Variants in ENOX1 observed in about 807,000 individuals in gnomAD.
The protein encoded by ENOX1 is candidate growth-related and time keeping constitutive hydroquinone (NADH) oxidase.
ENOX1 carries 42 observed loss-of-function variants against 82.5 expected under a neutral mutation model. The ratio of observed to expected loss-of-function variants is 0.51; its 90% CI spans 0.40 to 0.66. The LOEUF (loss-of-function observed/expected upper bound fraction) is 0.66, where lower values mean the gene tolerates loss of function less well. Ranked by LOEUF, ENOX1 falls within the 30% of genes least tolerant of loss-of-function variation. ENOX1 has a pLI of 0.00. For synonymous variants in ENOX1, 271 were observed against 282.2 expected (o/e 0.96, Z 0.40); for missense variants, 608 against 811.6 (o/e 0.75, Z 3.05).
chr13:43,542,587 C>T (rs1320886837), intron 2 of ENOX1, among the ~76,000 whole-genome samples: 4 of 152,100 alleles, frequency 2.6e-5, no homozygotes, highest in African/African-American at 4.8e-5. Context: ...AGGCACCTGC[C>T]ACCACACCTG....
At chr13:43,289,013 G>A (rs562764746) in intron 12 of ENOX1, among the ~76,000 whole-genome samples, 1 of 152,178 alleles carries the variant, frequency 6.6e-6, no homozygotes, top group South Asian at 2.1e-4. Context: ...AGCTAACCAA[G>A]GAGGCGAAAG....
chr13:43,516,294 C>A (rs939036667), intron 2 of ENOX1, among the ~76,000 whole-genome samples: 22 of 152,168 alleles, frequency 1.4e-4, no homozygotes, highest in Non-Finnish European at 2.5e-4. Context: ...GATAAAACAT[C>A]TTTGAAGTCA....
chr13:43,497,674 A>G (rs974856435), intron 2 of ENOX1, among the ~76,000 whole-genome samples: 6 of 152,142 alleles, frequency 3.9e-5, no homozygotes, highest in African/African-American at 1.4e-4. Context: ...GTCTATGATC[A>G]TAAGGCATAT....
intron 1 of ENOX1, among the ~76,000 whole-genome samples, chr13:43,769,329 G>A (rs1951459130): frequency 6.6e-6 from 1 of 152,132 alleles, no homozygotes; most frequent in African/African-American, 2.4e-5. Context: ...CCACAAGTGT[G>A]CCACCCTAAT....
intron 1 of ENOX1, 85 bp from the exon 2 acceptor site, chr13:43,667,629 CA>C: frequency 2.7e-6 from 1 of 365,332 alleles, no homozygotes; most frequent in Non-Finnish European, 3.8e-6. Flanking sequence ...TAAGCAGATG[CA>C]AGGTTTCGCC....
intron 1 of ENOX1, among the ~76,000 whole-genome samples, chr13:43,684,922 C>A (rs1224365652): frequency 2.2e-4 from 33 of 152,074 alleles, no homozygotes; most frequent in Admixed American, 2.2e-3. Flanking sequence ...CTAAATAATA[C>A]CACTATAAAT....
intron 9 of ENOX1, among the ~76,000 whole-genome samples, chr13:43,334,741 T>A (rs890684801): frequency 6.6e-6 from 1 of 152,184 alleles, no homozygotes; most frequent in Non-Finnish European, 1.5e-5. Context: ...GTCCCTACTT[T>A]TTTTGTGTCT....
intron 2 of ENOX1, among the ~76,000 whole-genome samples, chr13:43,639,425 G>A (rs1226204343): frequency 6.6e-6 from 1 of 152,174 alleles, no homozygotes; most frequent in Non-Finnish European, 1.5e-5. Context: ...TAAGAACCTA[G>A]TATTTTCTTA....
chr13:43,334,899 T>C (rs927012406), intron 9 of ENOX1, among the ~76,000 whole-genome samples: 1 of 152,172 alleles, frequency 6.6e-6, no homozygotes, highest in East Asian at 1.9e-4. Flanking sequence ...GGGAGTGTTT[T>C]TATGAATACA....
At chr13:43,640,593 C>T (rs1019432075) in intron 2 of ENOX1, among the ~76,000 whole-genome samples, 1 of 152,068 alleles carries the variant, frequency 6.6e-6, no homozygotes, top group African/African-American at 2.4e-5. Context: ...GTAATATGCA[C>T]CAATCAACTC....
intron 10 of ENOX1, among the ~76,000 whole-genome samples, chr13:43,323,800 G>A (rs1248847340): frequency 6.6e-6 from 1 of 152,172 alleles, no homozygotes; most frequent in African/African-American, 2.4e-5. Context: ...CCCATTTGAT[G>A]GACATGCATA....
Position 43,413,002 on chromosome 13 carries a change from C to A in ENOX1, c.-74-14G>T. ...GGTCATCAGATTCTGCAAAACGGGA[C>A]AGAAGTGTGGTGAGAAACCTTAATA... On this transcript the variant is annotated splice_polypyrimidine_tract_variant and intron_variant, in intron 3 of 16. Transcript: ENST00000690772. 2 of 1,551,464 alleles carry A rather than the reference C, an allele frequency of 1.3e-6. No individual in the cohort carries two copies. Among genetic ancestry groups the A allele is most frequent in the Admixed American group, 1.9e-5 (1 of 51,626 alleles).
intron 2 of ENOX1, among the ~76,000 whole-genome samples, chr13:43,517,700 T>C (rs191401361): frequency 1.3e-5 from 2 of 152,272 alleles, no homozygotes; most frequent in Non-Finnish European, 2.9e-5. Flanking sequence ...TGAATGTGTG[T>C]GTCTCCCCAA....
chr13:43,418,568 T>G (rs2054779510), intron 3 of ENOX1, among the ~76,000 whole-genome samples: 2 of 152,152 alleles, frequency 1.3e-5, no homozygotes, highest in African/African-American at 4.8e-5. Flanking sequence ...CGATGTAACT[T>G]AAAAGATGTA....
rs2041290346 is a variant in ENOX1, at chr13:43,213,538, C to CTTTTTTTTTTT, written c.*451_*452insAAAAAAAAAAA. 14 of 97,854 alleles carry CTTTTTTTTTTT rather than the reference C, an allele frequency of 1.4e-4. No homozygotes were observed. The highest frequency in any genetic ancestry group is 1.3e-3 in the East Asian group (4 of 2,992). 6.1% of individuals were successfully genotyped at this position (97,854 alleles called of 1,614,324 possible). On this transcript the variant is annotated 3_prime_UTR_variant, in exon 17 of 17. Transcript: ENST00000690772. ...TTTTCTTTTTTCTTTTTTTCTTTTTCTTTTTCTTTTTTTTTTTTTTTTTTT... is the reference window on the plus strand; with the variant it reads ...TTTTCTTTTTTCTTTTTTTCTTTTTCTTTTTTTTTTTTTTTTCTTTTTTTTTTTTTTTTTTT...
At chr13:43,626,652 C>T (rs2082976990) in intron 2 of ENOX1, among the ~76,000 whole-genome samples, 2 of 151,870 alleles carry the variant, frequency 1.3e-5, no homozygotes, top group South Asian at 4.1e-4. Context: ...GATCAGAGAA[C>T]ATACTCTATA....
At chr13:43,364,983 C>T (rs2050757005) in intron 5 of ENOX1, among the ~76,000 whole-genome samples, 1 of 152,090 alleles carries the variant, frequency 6.6e-6, no homozygotes, top group Admixed American at 6.6e-5. Flanking sequence ...GGAGAGACTG[C>T]AGGAATTAGA....
intron 2 of ENOX1, among the ~76,000 whole-genome samples, chr13:43,514,967 C>T (rs1489690733): frequency 6.6e-6 from 1 of 152,058 alleles, no homozygotes; most frequent in African/African-American, 2.4e-5. Flanking sequence ...GTTGAGGCAC[C>T]CACAGTTTCA....
At position 43,616,117 on chromosome 13, in the gene ENOX1, G is replaced by GATAGATATCTATAT. The variant is rs1357546310; in HGVS notation, c.-219+51361_-219+51362insATATAGATATCTAT. Reference sequence around the variant, plus strand: ...ATATCTATATAGATAGATATCTATAGATCTATAGATATCTATCTATCTAGA... The same window carrying GATAGATATCTATAT: ...ATATCTATATAGATAGATATCTATAGATAGATATCTATATATCTATAGATATCTATCTATCTAGA... On this transcript the variant is annotated intron_variant, in intron 2 of 16. Coordinates refer to ENST00000690772, the MANE Select transcript of ENOX1 (RefSeq NM_001347969.2). 4.7e-4 allele frequency among the ~76,000 whole-genome samples: 7 copies of GATAGATATCTATAT among 14,988 alleles called. No individual in the cohort carries two copies. In the South Asian group the frequency reaches 0.015, roughly 33 times the overall value. 9.8% of individuals were successfully genotyped at this position (14,988 alleles called of 152,430 possible).
Sources: allele counts gnomAD v4.1 joint callset (sites outside exome capture counted in the v4.1 genomes callset), GRCh38; gene constraint gnomAD v4.1.1; transcripts MANE v1.5; gene names NCBI Gene and HGNC (gene_info 2026-07-23, HGNC 2026-07-21).